The following PTP4A2 variants were observed in gnomAD, a reference collection of about 807,000 sequenced individuals.
PTP4A2 encodes protein tyrosine phosphatase 4A2.
A neutral mutation model predicts 22.9 loss-of-function variants in PTP4A2; 2 were observed. That is an observed-to-expected ratio of 0.09 (90% CI 0.04 to 0.27). PTP4A2 has a LOEUF of 0.27. PTP4A2 is among the 10% of genes least tolerant of loss of function. The probability of loss-of-function intolerance (pLI) is 1.00; values close to 1 mark genes in which losing one functional copy is unlikely to be tolerated. For synonymous variants in PTP4A2, 68 were observed against 69.1 expected (o/e 0.98, Z 0.08); for missense variants, 103 against 205.1 (o/e 0.50, Z 3.04).
intron 1 of PTP4A2, among the ~76,000 whole-genome samples, chr1:31,923,177 G>A (rs1037693769): frequency 2.0e-5 from 3 of 151,678 alleles, no homozygotes; most frequent in African/African-American, 4.8e-5. Flanking sequence ...CCAAAGTGCT[G>A]GGATTACAGA....
intron 1 of PTP4A2, among the ~76,000 whole-genome samples, chr1:31,928,174 AAC>A (rs1351619282): frequency 6.8e-6 from 1 of 147,498 alleles, no homozygotes; most frequent in Non-Finnish European, 1.5e-5. Context: ...TATTATATAT[AAC>A]AAATATATAT....
At position 31,907,606 on chromosome 1, in the gene PTP4A2, C is replaced by T. The variant is rs1651250372; in HGVS notation, c.*1246G>A. On this transcript the variant is annotated 3_prime_UTR_variant, in exon 6 of 6. Transcript: ENST00000647444. ...CTCAAAAAACCTAGTAATAACAAGG[C>T]AATCAGTGGTTAAACTGAACTTTAC... 1 of 151,844 alleles carries T rather than the reference C, an allele frequency of 6.6e-6. No individual in the cohort carries two copies. Among genetic ancestry groups the T allele is most frequent in the African/African-American group, 2.4e-5 (1 of 41,322 alleles). The allele number at this position is 151,844 out of a possible 1,614,324, so 9.4% of individuals were successfully genotyped here.
intron 4 of PTP4A2, chr1:31,910,918 T>A (rs895378753): frequency 1.3e-5 from 2 of 152,184 alleles, no homozygotes; most frequent in African/African-American, 4.8e-5. Flanking sequence ...TTTAAAAAAA[T>A]TTAACAAAGG....
chr1:31,926,090 C>G (rs1211710835), intron 1 of PTP4A2, among the ~76,000 whole-genome samples: 2 of 146,218 alleles, frequency 1.4e-5, no homozygotes, highest in African/African-American at 5.0e-5. Context: ...GATTGCGCCA[C>G]TGCACTCCAG....
intron 1 of PTP4A2, among the ~76,000 whole-genome samples, chr1:31,919,932 GC>G: frequency 6.6e-6 from 1 of 150,748 alleles, no homozygotes; most frequent in African/African-American, 2.4e-5. Context: ...TTTGAGACCA[GC>G]CTGATCAACA....
At chr1:31,915,112 A>G (rs1028198406) in intron 3 of PTP4A2, among the ~76,000 whole-genome samples, 3 of 152,252 alleles carry the variant, frequency 2.0e-5, no homozygotes, top group Admixed American at 6.5e-5. Context: ...TTAGTAGCCT[A>G]GAAACAAAAG....
At chr1:31,934,981 AT>A (rs1386188589) in intron 1 of PTP4A2, among the ~76,000 whole-genome samples, 1 of 152,230 alleles carries the variant, frequency 6.6e-6, no homozygotes, top group Non-Finnish European at 1.5e-5. Context: ...CAGCTACAAA[AT>A]CTGTTGCCTT....
At chr1:31,921,703 C>T (rs560501274) in intron 1 of PTP4A2, 2 of 152,238 alleles carry the variant, frequency 1.3e-5, no homozygotes, top group East Asian at 3.9e-4. Context: ...TAAAAAATAG[C>T]TGTAACCAGA....
At chr1:31,937,148 C>T (rs557706180) in intron 1 of PTP4A2, among the ~76,000 whole-genome samples, 12 of 152,188 alleles carry the variant, frequency 7.9e-5, no homozygotes, top group Non-Finnish European at 1.3e-4. Context: ...CTCTCAGGGG[C>T]CCCAGACTAG....
chr1:31,931,376 C>T (rs948134107), intron 1 of PTP4A2, among the ~76,000 whole-genome samples: 3 of 152,082 alleles, frequency 2.0e-5, no homozygotes, highest in Non-Finnish European at 4.4e-5. Context: ...AAGCCTTGAC[C>T]GGGCTGAGAA....
chr1:31,909,069 C>T lies in PTP4A2; in HGVS notation c.396-109G>A, dbSNP rs116733944. On this transcript the variant is annotated intron_variant, in intron 5 of 5. Transcript: ENST00000647444. ...CTTTCTAATTCCACACAGCTGAAAACCAGCATATTTCCCATACTACAACAA... is the reference window on the plus strand; with the variant it reads ...CTTTCTAATTCCACACAGCTGAAAATCAGCATATTTCCCATACTACAACAA... The T allele has an allele frequency of 6.9e-4, 544 of 787,678 alleles. 3 individuals are homozygous for T. The African/African-American group carries it at 8.5e-3, about 12-fold the overall frequency. The allele number at this position is 787,678 out of a possible 1,614,324, so 48.8% of individuals were successfully genotyped here. A position where few individuals can be genotyped will look rare whatever the true frequency, so the allele number is the denominator to read the frequency against.
At chr1:31,913,802 A>G in intron 3 of PTP4A2, 1 of 456,216 alleles carries the variant, frequency 2.2e-6, no homozygotes, top group Non-Finnish European at 4.4e-6. Flanking sequence ...TTACTGACTC[A>G]AACAGACTAT....
chr1:31,911,802 G>A lies in PTP4A2; in HGVS notation c.214C>T (p.Pro72Ser). 6.3e-7 allele frequency: 1 copy of A among 1,578,766 alleles called. No individual in the cohort carries two copies. The highest frequency in any genetic ancestry group is 8.6e-7 in the Non-Finnish European group (1 of 1,168,748). Residue 72 changes from proline (P) to serine (S), a missense_variant, in exon 4 of 6, where the codon CCA becomes TCA. By Grantham distance (74) the Pro-to-Ser change is moderately conservative (BLOSUM62 -1). This residue lies in a region of PTP4A2 where 66 missense variants were observed against 113.0 expected (regional missense o/e 0.58). Coordinates refer to ENST00000647444, the MANE Select transcript of PTP4A2 (RefSeq NM_080391.4). ...VLDWPFDDGA[P>S]PPNQIVDDWL... The stretch of plus-strand genomic sequence containing the variant: ...TCATCTACTATCTGATTAGGGGGTG[G>A]AGCTCCATCATCAAATGGCCAATCC...
chr1:31,928,166 TTA>T (rs1011622635), intron 1 of PTP4A2, among the ~76,000 whole-genome samples: 1 of 147,560 alleles, frequency 6.8e-6, no homozygotes, highest in Non-Finnish European at 1.5e-5. Context: ...TAATATTATA[TTA>T]TATATAACAA....
At chr1:31,929,134 CTTTACAATTTTGTACTCCATTTTTCCTCT>C (rs949674716) in intron 1 of PTP4A2, among the ~76,000 whole-genome samples, 1 of 152,214 alleles carries the variant, frequency 6.6e-6, no homozygotes, top group Non-Finnish European at 1.5e-5. Context: ...AAAATATTTA[CTTTACAATTTTGTACTCCATTTTTCCTCT>C]AAAGATTTCC....
At chr1:31,914,366 T>C (rs1366347166) in intron 3 of PTP4A2, 1 of 414,386 alleles carries the variant, frequency 2.4e-6, no homozygotes, top group Non-Finnish European at 4.8e-6. Flanking sequence ...CACAGGGCCC[T>C]AAAACACATT....
rs1651354694 is a variant in PTP4A2, at chr1:31,908,346, G to T, written c.*506C>A. ...ATTCCATCTACAACTTGGATCGGGG[G>T]AAAAGGGAGATGTAGGAGAGGAAGG... On this transcript the variant is annotated 3_prime_UTR_variant, in exon 6 of 6. Coordinates refer to ENST00000647444, the MANE Select transcript of PTP4A2 (RefSeq NM_080391.4). 1 of 144,592 alleles carries T rather than the reference G, an allele frequency of 6.9e-6. No homozygotes were observed. Among genetic ancestry groups the T allele is most frequent in the Non-Finnish European group, 1.5e-5 (1 of 66,208 alleles). The allele number at this position is 144,592 out of a possible 1,614,324, so 9.0% of individuals were successfully genotyped here.
rs1198919053 is a variant in PTP4A2, at chr1:31,906,938, T to C, written c.*1914A>G. ...AGTCTATATTAATGGAATCTATTGT[T>C]GCATTCTGAAATAAAGAATTTTGGA... On this transcript the variant is annotated 3_prime_UTR_variant, in exon 6 of 6. Transcript: ENST00000647444. The C allele has an allele frequency of 1.3e-5, 2 of 152,230 alleles. No homozygotes were observed. 9.4% of individuals were successfully genotyped at this position (152,230 alleles called of 1,614,324 possible).
At position 31,911,757 on chromosome 1, in the gene PTP4A2, T is replaced by C; in HGVS notation, c.259A>G (p.Thr87Ala). Residue 87 changes from threonine (T) to alanine (A), a missense_variant, in exon 4 of 6, where the codon ACC becomes GCC. Physicochemically the swap from Thr to Ala is moderately conservative, Grantham distance 58. This residue lies in a region of PTP4A2 where 66 missense variants were observed against 113.0 expected (regional missense o/e 0.58). Coordinates refer to ENST00000647444, the MANE Select transcript of PTP4A2 (RefSeq NM_080391.4). The part of the protein sequence containing the change: ...IVDDWLNLLK[T>A]KFREEPGCCV... ...CAACCTGGCTCTTCACGAAATTTGGTTTTTAACAGGTTTAACCAATCATCT... is the reference window on the plus strand; with the variant it reads ...CAACCTGGCTCTTCACGAAATTTGGCTTTTAACAGGTTTAACCAATCATCT... The C allele has an allele frequency of 6.2e-7, 1 of 1,606,556 alleles. No homozygotes were observed. The highest frequency in any genetic ancestry group is 8.5e-7 in the Non-Finnish European group (1 of 1,177,200).
Sources: allele counts gnomAD v4.1 joint callset (sites outside exome capture counted in the v4.1 genomes callset), GRCh38; gene constraint gnomAD v4.1.1; regional missense constraint gnomAD v4.1.1; transcripts MANE v1.5; gene names NCBI Gene and HGNC (gene_info 2026-07-23, HGNC 2026-07-21).